ADAM32: variants seen among roughly 807,000 people sequenced by gnomAD.
ADAM32 encodes the protein disintegrin and metalloproteinase domain-containing protein 32.
A neutral mutation model predicts 114.9 loss-of-function variants in ADAM32; 89 were observed. That is an observed-to-expected ratio of 0.77 (90% CI 0.65 to 0.92). The LOEUF is 0.92. Among genes scored for constraint, ADAM32 ranks in the 40% least tolerant of loss-of-function variants. The pLI is 0.00. For synonymous variants in ADAM32, 285 were observed against 307.5 expected (o/e 0.93, Z 0.77); for missense variants, 870 against 932.8 (o/e 0.93, Z 0.88).
Position 39,160,859 on chromosome 8 carries a change from A to T in ADAM32, c.526-38A>T, listed in dbSNP as rs765754639. 5.4e-5 allele frequency: 82 copies of T among 1,506,614 alleles called. No individual in the cohort carries two copies. In the Admixed American group the frequency reaches 9.0e-4, roughly 16 times the overall value. The allele number at this position is 1,506,614 out of a possible 1,614,324, so 93.3% of individuals were successfully genotyped here. A position where few individuals can be genotyped will look rare whatever the true frequency, so the allele number is the denominator to read the frequency against. ...AGAGTTCAAGTAAAAAAATTATGAA[A>T]TTTTTCATGTATTATATGCTGTTTT... is the stretch of plus-strand genomic sequence containing the variant. On this transcript the variant is annotated intron_variant, in intron 6 of 24. Transcript: ENST00000379907.
chr8:39,111,199 A>T (rs1363214714), intron 1 of ADAM32, among the ~76,000 whole-genome samples: 2 of 152,032 alleles, frequency 1.3e-5, no homozygotes, highest in Non-Finnish European at 2.9e-5. Flanking sequence ...GCTGCTAGGA[A>T]CCTTCATGTA....
intron 19 of ADAM32, among the ~76,000 whole-genome samples, chr8:39,257,642 A>G (rs1004306799): frequency 2.0e-5 from 3 of 152,120 alleles, no homozygotes; most frequent in Non-Finnish European, 4.4e-5. Flanking sequence ...TGTATCATCT[A>G]CAACAGAAGT....
At chr8:39,181,655 G>A (rs890279080) in intron 10 of ADAM32, among the ~76,000 whole-genome samples, 1 of 152,186 alleles carries the variant, frequency 6.6e-6, no homozygotes, top group Non-Finnish European at 1.5e-5. Flanking sequence ...TGAAAAGATG[G>A]CAAGGAAATT....
chr8:39,280,863 A>G (rs1404694822), intron 22 of ADAM32, among the ~76,000 whole-genome samples: 1 of 151,860 alleles, frequency 6.6e-6, no homozygotes, highest in Non-Finnish European at 1.5e-5. Context: ...GCTCACTGCA[A>G]GCTCTGCCTC....
At chr8:39,226,904 T>C (rs1018973374) in intron 14 of ADAM32, among the ~76,000 whole-genome samples, 4 of 152,188 alleles carry the variant, frequency 2.6e-5, no homozygotes, top group Non-Finnish European at 5.9e-5. Flanking sequence ...GTCTCTAGTA[T>C]AAAGGTTAAA....
intron 3 of ADAM32, among the ~76,000 whole-genome samples, chr8:39,137,075 A>C (rs1588496610): frequency 6.6e-6 from 1 of 152,330 alleles, no homozygotes; most frequent in African/African-American, 2.4e-5. Flanking sequence ...GACCATGAGT[A>C]ATATGGGACA....
At chr8:39,137,774 A>G (rs1183061006) in intron 3 of ADAM32, among the ~76,000 whole-genome samples, 1 of 151,666 alleles carries the variant, frequency 6.6e-6, no homozygotes, top group Non-Finnish European at 1.5e-5. Flanking sequence ...CTGTCTCAAA[A>G]AAAAAAAAAA....
intron 11 of ADAM32, among the ~76,000 whole-genome samples, chr8:39,194,016 T>C (rs1464397701): frequency 1.3e-5 from 2 of 152,092 alleles, no homozygotes; most frequent in Non-Finnish European, 2.9e-5. Flanking sequence ...GTGGGGTGCA[T>C]GCTTGTCAGT....
intron 18 of ADAM32, among the ~76,000 whole-genome samples, chr8:39,255,892 T>A (rs1417951780): frequency 6.6e-6 from 1 of 152,088 alleles, no homozygotes; most frequent in Non-Finnish European, 1.5e-5. Context: ...CCTCTTGAGT[T>A]GATGTTTGTA....
intron 11 of ADAM32, among the ~76,000 whole-genome samples, chr8:39,188,944 A>T (rs1806422215): frequency 6.6e-6 from 1 of 152,150 alleles, no homozygotes; most frequent in African/African-American, 2.4e-5. Context: ...GTAATTAGTT[A>T]CATATTTCAA....
chr8:39,131,232 A>G (rs1802436878), intron 2 of ADAM32, among the ~76,000 whole-genome samples: 1 of 152,160 alleles, frequency 6.6e-6, no homozygotes, highest in South Asian at 2.1e-4. Context: ...CTGGGATTAC[A>G]GGCGTGAGCC....
intron 2 of ADAM32, among the ~76,000 whole-genome samples, chr8:39,125,979 C>A (rs563877235): frequency 6.6e-6 from 1 of 152,030 alleles, no homozygotes; most frequent in Non-Finnish European, 1.5e-5. Flanking sequence ...TGTAGGCATG[C>A]GGTCTTATTT....
At chr8:39,149,307 T>C (rs1803683968) in intron 4 of ADAM32, among the ~76,000 whole-genome samples, 1 of 152,192 alleles carries the variant, frequency 6.6e-6, no homozygotes. Context: ...TCCCTGTTTA[T>C]CTCTAGTAAT....
At chr8:39,218,590 C>T (rs1279268849) in intron 12 of ADAM32, among the ~76,000 whole-genome samples, 2 of 152,004 alleles carry the variant, frequency 1.3e-5, no homozygotes, top group South Asian at 2.1e-4. Flanking sequence ...TGACACAGTC[C>T]TTCCTACTCT....
chr8:39,122,245 G>T (rs1241310437), intron 2 of ADAM32, among the ~76,000 whole-genome samples: 1 of 152,182 alleles, frequency 6.6e-6, no homozygotes, highest in Non-Finnish European at 1.5e-5. Flanking sequence ...GCACCATAGG[G>T]AAGAATGTTA....
intron 16 of ADAM32, among the ~76,000 whole-genome samples, chr8:39,242,211 C>A (rs1810607443): frequency 6.6e-6 from 1 of 152,176 alleles, no homozygotes; most frequent in Admixed American, 6.5e-5. Context: ...CATTTTGGTC[C>A]AAACCATTTG....
chr8:39,280,229 GTA>G (rs909423359), intron 22 of ADAM32, among the ~76,000 whole-genome samples: 4 of 152,098 alleles, frequency 2.6e-5, no homozygotes, highest in African/African-American at 9.7e-5. Context: ...ATCTTTTAGG[GTA>G]TAAGTAATTC....
intron 2 of ADAM32, among the ~76,000 whole-genome samples, chr8:39,124,071 T>C (rs544531371): frequency 8.6e-4 from 131 of 151,934 alleles, no homozygotes; most frequent in Non-Finnish European, 7.9e-4. Flanking sequence ...GTTGTGCAGG[T>C]TTGTTATATA....
rs1812669149 is a variant in ADAM32 at position 39,270,858 on chromosome 8, T to G, written c.2163-18T>G. On this transcript the variant is annotated intron_variant, in intron 19 of 24. Coordinates refer to ENST00000379907, the MANE Select transcript of ADAM32 (RefSeq NM_145004.7). ...GTTTTCTAAGTACTAACATGAGACA[T>G]TTTCAATTTCTTTTTAGATCTAAAT... The G allele has an allele frequency of 6.2e-7, 1 of 1,602,144 alleles. No individual in the cohort carries two copies. The highest frequency in any genetic ancestry group is 1.3e-5 in the African/African-American group (1 of 74,688).
Sources: gnomAD v4.1 joint callset for allele counts (sites outside exome capture counted in the v4.1 genomes callset) on GRCh38, gnomAD v4.1.1 for gene constraint, MANE v1.5 for transcripts, NCBI Gene and HGNC (gene_info 2026-07-23, HGNC 2026-07-21) for gene names.